TTC29: variants seen among roughly 807,000 people sequenced by gnomAD.
TTC29 encodes the protein tetratricopeptide repeat protein 29.
In TTC29, 49 loss-of-function variants were observed where a neutral mutation model predicts 58.1. The observed-to-expected ratio is 0.84, with a 90% CI of 0.67 to 1.07. The LOEUF is 1.07. Ranked by LOEUF, TTC29 falls within the 50% of genes least tolerant of loss-of-function variation. The pLI is 0.00. For synonymous variants in TTC29, 209 were observed against 196.8 expected, an observed-to-expected ratio of 1.06 and a Z score of -0.52; for missense variants, 582 against 555.6, an observed-to-expected ratio of 1.05 and a Z score of -0.48.
intron 4 of TTC29, among the ~76,000 whole-genome samples, chr4:146,912,926 C>T (rs1733988110): frequency 6.6e-6 from 1 of 152,158 alleles, no homozygotes; most frequent in Admixed American, 6.5e-5. Context: ...GCAAGGATAA[C>T]AACCAGGTTT....
rs1244663470 is a variant in TTC29, at chr4:146,835,937, CT to C, written c.886-2041del. ...CTGGGAGCAGAGGGGCAAAAGACAG[CT>C]TTGGCCTTGCACTTGATTCCATAGT... On this transcript the variant is annotated intron_variant, in intron 8 of 12. Coordinates refer to ENST00000325106, the MANE Select transcript of TTC29 (RefSeq NM_031956.4). Among the ~76,000 whole-genome samples, 3 of 152,152 alleles carry C rather than the reference CT, an allele frequency of 2.0e-5. 1 individual carries two copies.
At chr4:146,861,736 A>G (rs1730244879) in intron 8 of TTC29, among the ~76,000 whole-genome samples, 1 of 152,148 alleles carries the variant, frequency 6.6e-6, no homozygotes, top group Non-Finnish European at 1.5e-5. Flanking sequence ...GATTAATAGA[A>G]CTATTATTGA....
At chr4:146,931,352 T>C (rs1735324430) in intron 4 of TTC29, among the ~76,000 whole-genome samples, 1 of 152,196 alleles carries the variant, frequency 6.6e-6, no homozygotes, top group South Asian at 2.1e-4. Context: ...ATTAAGTTAA[T>C]GCAAAATATT....
At chr4:146,784,074 A>C (rs1249540682) in intron 11 of TTC29, among the ~76,000 whole-genome samples, 2 of 151,256 alleles carry the variant, frequency 1.3e-5, no homozygotes, top group Non-Finnish European at 2.9e-5. Flanking sequence ...CAGGTATAGT[A>C]TAGTATATAC....
chr4:146,941,605 G>A (rs1053009394), intron 2 of TTC29, among the ~76,000 whole-genome samples: 1 of 152,162 alleles, frequency 6.6e-6, no homozygotes, highest in African/African-American at 2.4e-5. Flanking sequence ...GCAAAGGGAT[G>A]AGTAAAAGCA....
chr4:146,921,124 G>T (rs1734550000), intron 4 of TTC29, among the ~76,000 whole-genome samples: 1 of 151,428 alleles, frequency 6.6e-6, no homozygotes, highest in Non-Finnish European at 1.5e-5. Flanking sequence ...CTGCGCACAT[G>T]AACAGTGAAG....
chr4:146,728,127 AAATACAAAAATTAGCCGGGCG>A (rs894224293), intron 11 of TTC29, among the ~76,000 whole-genome samples: 1 of 151,952 alleles, frequency 6.6e-6, no homozygotes, highest in Non-Finnish European at 1.5e-5. Flanking sequence ...TCTCTACTAA[AAATACAAAAATTAGCCGGGCG>A]AGGTGGTGGG....
chr4:146,733,399 T>C (rs1744487725), intron 11 of TTC29, among the ~76,000 whole-genome samples: 4 of 152,102 alleles, frequency 2.6e-5, no homozygotes. Flanking sequence ...ATATGATATA[T>C]ATATATCACA....
intron 8 of TTC29, among the ~76,000 whole-genome samples, chr4:146,842,548 A>G (rs1561179546): frequency 1.3e-5 from 2 of 151,692 alleles, no homozygotes; most frequent in African/African-American, 4.8e-5. Flanking sequence ...TAAGAGAACC[A>G]GAAGAGTTTA....
Position 146,903,631 on chromosome 4 carries a change from A to G in TTC29, c.499T>C (p.Phe167Leu). 1 of 1,613,060 alleles carries G rather than the reference A, an allele frequency of 6.2e-7. No individual in the cohort carries two copies. The highest frequency in any genetic ancestry group is 8.5e-7 in the Non-Finnish European group (1 of 1,179,466). Residue 167 changes from phenylalanine (F) to leucine (L), a missense_variant, in exon 6 of 13, where the codon TTT becomes CTT. Coordinates refer to ENST00000325106, the MANE Select transcript of TTC29 (RefSeq NM_031956.4). Reference protein sequence around the residue: ...WVRNHFYERCFKIAQLIKIDC... With the variant: ...WVRNHFYERCLKIAQLIKIDC... ...ATTTTGATCAGCTGAGCAATCTTAAAACATCGTTCATAGAAGTGGTTCCTT... is the reference window on the plus strand; with the variant it reads ...ATTTTGATCAGCTGAGCAATCTTAAGACATCGTTCATAGAAGTGGTTCCTT...
chr4:146,838,948 T>A (rs1318525196), intron 8 of TTC29, among the ~76,000 whole-genome samples: 2 of 152,018 alleles, frequency 1.3e-5, no homozygotes, highest in Non-Finnish European at 2.9e-5. Context: ...ACTTCAGGCC[T>A]ACCTTTTCCA....
At chr4:146,777,399 T>A (rs1281375906) in intron 11 of TTC29, among the ~76,000 whole-genome samples, 1 of 152,040 alleles carries the variant, frequency 6.6e-6, no homozygotes, top group Non-Finnish European at 1.5e-5. Context: ...TTTTTTTTTT[T>A]AAGCTAGGAG....
chr4:146,926,560 T>C (rs1321508888), intron 4 of TTC29, among the ~76,000 whole-genome samples: 3 of 152,040 alleles, frequency 2.0e-5, no homozygotes, highest in African/African-American at 4.8e-5. Context: ...CTGCCCAGGT[T>C]CAAGCAATTC....
chr4:146,789,028 C>T (rs987326113), intron 11 of TTC29, among the ~76,000 whole-genome samples: 1 of 152,060 alleles, frequency 6.6e-6, no homozygotes. Flanking sequence ...AAGTGCTTTC[C>T]ATATTCCATC....
At chr4:146,936,684 A>G (rs78313429) in intron 4 of TTC29, among the ~76,000 whole-genome samples, 4,715 of 152,168 alleles carry the variant, frequency 0.031, 130 homozygotes, top group Middle Eastern at 0.055. Context: ...TTATATGCAA[A>G]TTGACAAAGA....
intron 11 of TTC29, among the ~76,000 whole-genome samples, chr4:146,748,973 G>A (rs1745759014): frequency 6.6e-6 from 1 of 152,126 alleles, no homozygotes; most frequent in African/African-American, 2.4e-5. Context: ...ATAGAGAGAT[G>A]AGCTAATGAA....
At chr4:146,871,319 A>G (rs909257404) in intron 7 of TTC29, among the ~76,000 whole-genome samples, 1 of 151,978 alleles carries the variant, frequency 6.6e-6, no homozygotes, top group Non-Finnish European at 1.5e-5. Context: ...CAAACTTGGA[A>G]TAGAAGGGAA....
Position 146,803,457 on chromosome 4 carries a change from C to T in TTC29, c.1330G>A (p.Glu444Lys), listed in dbSNP as rs1379178559. 1.5e-5 allele frequency: 23 copies of T among 1,567,662 alleles called. No individual in the cohort carries two copies. The highest frequency in any genetic ancestry group is 1.8e-5 in the Non-Finnish European group (21 of 1,153,432). The change falls in exon 11 of 13, where the codon GAA becomes AAA. Residue 444 changes from glutamate to lysine, a missense_variant and splice_region_variant. Glu to Lys is a moderately conservative substitution (Grantham distance 56). Transcript: ENST00000325106. The part of the protein sequence containing the change: ...RGNIEPDPVT[E>K]EFRGSTVEAV... ...AGTGTTCTAAAAACCAATGCCTTAC[C>T]AGTAACTGGATCAGGTTCAATGTTA...
intron 10 of TTC29, among the ~76,000 whole-genome samples, chr4:146,811,509 T>C (rs1342623374): frequency 6.6e-6 from 1 of 152,068 alleles, no homozygotes; most frequent in Non-Finnish European, 1.5e-5. Flanking sequence ...CTTCCACTCA[T>C]CTCTCTCCTC....
Sources: allele counts gnomAD v4.1 joint callset (sites outside exome capture counted in the v4.1 genomes callset), GRCh38; gene constraint gnomAD v4.1.1; transcripts MANE v1.5; gene names NCBI Gene and HGNC (gene_info 2026-07-23, HGNC 2026-07-21).